Variants in EMILIN3 observed in about 807,000 individuals in gnomAD.
EMILIN3 encodes the protein elastin microfibril interfacer 3.
In EMILIN3, 38 loss-of-function variants were observed where a neutral mutation model predicts 42.8. The ratio of observed to expected loss-of-function variants is 0.89; its 90% CI spans 0.69 to 1.16. The LOEUF (loss-of-function observed/expected upper bound fraction) is 1.16, where lower values mean the gene tolerates loss of function less well. Ranked by LOEUF, EMILIN3 falls within the 50% of genes most tolerant of loss-of-function variation. The probability of loss-of-function intolerance (pLI) is 0.00; values close to 1 mark genes in which losing one functional copy is unlikely to be tolerated. For synonymous variants in EMILIN3, 430 were observed against 440.5 expected, an observed-to-expected ratio of 0.98 and a Z score of 0.30; for missense variants, 924 against 999.5, an observed-to-expected ratio of 0.92 and a Z score of 1.02.
At chr20:41,365,014 G>A in intron 2 of EMILIN3, 21 bp downstream of exon 2, 1 of 1,613,134 alleles carries the variant, frequency 6.2e-7, no homozygotes, top group Non-Finnish European at 8.5e-7. Context: ...TTCCAAGTGT[G>A]TAGGTGAGGA....
In EMILIN3 at chr20:41,365,013, T is replaced by A. The variant is rs369704600; in HGVS notation, c.290+22A>T. 18 of 1,612,860 alleles carry A rather than the reference T, an allele frequency of 1.1e-5. No homozygotes were observed. In the African/African-American group the frequency reaches 2.4e-4, roughly 22 times the overall value. On this transcript the variant is annotated intron_variant, in intron 2 of 3. Transcript: ENST00000332312. ...CGCTTGTGCCAGGGGATTCCAAGTG[T>A]GTAGGTGAGGAGTGCACTTACGTGA...
At chr20:41,363,973 C>T in intron 2 of EMILIN3, 112 bp from the exon 3 acceptor site, 2 of 967,026 alleles carry the variant, frequency 2.1e-6, no homozygotes, top group Non-Finnish European at 3.2e-6. Flanking sequence ...GGTATCTCCC[C>T]ACCTCCATAG....
rs999349926 is a variant in EMILIN3, at chr20:41,361,933, C to T, written c.1636G>A (p.Ala546Thr). 27 of 1,612,696 alleles carry T rather than the reference C, an allele frequency of 1.7e-5. No homozygotes were observed. The highest frequency in any genetic ancestry group is 5.0e-5 in the Admixed American group (3 of 60,000). Residue 546 changes from alanine to threonine, a missense_variant, in exon 4 of 4, where the codon GCC becomes ACC. By Grantham distance (58) the Ala-to-Thr change is moderately conservative. Coordinates refer to ENST00000332312, the MANE Select transcript of EMILIN3 (RefSeq NM_052846.2). The stretch of plus-strand genomic sequence containing the variant: ...TGGCTGGCCACCTGGCGTAGGAGGG[C>T]CTCGCTCCGGCTCTGCCAGGCCTTC... ...EVKAWQSRSE[A>T]LLRQVASHAA...
In EMILIN3 at chr20:41,360,433, C is replaced by T. The variant is rs965998174; in HGVS notation, c.*835G>A. 7.2e-5 allele frequency: 11 copies of T among 152,496 alleles called. No homozygotes were observed. Among genetic ancestry groups the T allele is most frequent in the African/African-American group, 2.4e-4 (10 of 41,428 alleles). The allele number at this position is 152,496 out of a possible 1,614,324, so 9.4% of individuals were successfully genotyped here. The stretch of plus-strand genomic sequence containing the variant: ...TGTGGGCACCAGAGGGCCCTGGAAA[C>T]ATCTTAGGGGAAGGAAAGGAAAAGG... On this transcript the variant is annotated 3_prime_UTR_variant, in exon 4 of 4. Transcript: ENST00000332312.
At position 41,363,096 on chromosome 20, in the gene EMILIN3, C is replaced by T. The variant is rs754641218; in HGVS notation, c.515-42G>A. On this transcript the variant is annotated intron_variant, in intron 3 of 3. Coordinates refer to ENST00000332312, the MANE Select transcript of EMILIN3 (RefSeq NM_052846.2). ...AGCCCCAGGGGCATCACTGGCCTCA[C>T]CCTCTCAGCTTGTCACAATGCCAGG... is the stretch of plus-strand genomic sequence containing the variant. 1.3e-5 allele frequency: 19 copies of T among 1,451,012 alleles called. No individual in the cohort carries two copies. In the Admixed American group the frequency reaches 3.2e-4, roughly 24 times the overall value. The allele number at this position is 1,451,012 out of a possible 1,614,324, so 89.9% of individuals were successfully genotyped here.
In EMILIN3 at chr20:41,366,395, G is replaced by C. The variant is rs1381465673; in HGVS notation, c.167+73C>G. The stretch of plus-strand genomic sequence containing the variant: ...CGGGGCCTCGACGCCCCCCGCGGGT[G>C]CGGGCAGGTGGGAGCGGCGACGCGC... On this transcript the variant is annotated intron_variant, in intron 1 of 3. Transcript: ENST00000332312. This position sits in a 1 kb window ranked among gnomAD's most constrained non-coding sequence, Gnocchi z 4.2. 2.8e-6 allele frequency: 3 copies of C among 1,056,468 alleles called. No individual in the cohort carries two copies. The highest frequency in any genetic ancestry group is 1.2e-4 in the East Asian group (2 of 17,232). 65.4% of individuals were successfully genotyped at this position (1,056,468 alleles called of 1,614,324 possible).
chr20:41,360,890 C>A lies in EMILIN3; in HGVS notation c.*378G>T. 3.7e-6 allele frequency: 1 copy of A among 267,868 alleles called. No homozygotes were observed. The highest frequency in any genetic ancestry group is 8.3e-5 in the South Asian group (1 of 12,068). 16.6% of individuals were successfully genotyped at this position (267,868 alleles called of 1,614,324 possible). ...GGCTGGTGCTGACTGCCTGCAGGGTCCTCTCAAGGCCTTACATACGGACAC... is the reference window on the plus strand; with the variant it reads ...GGCTGGTGCTGACTGCCTGCAGGGTACTCTCAAGGCCTTACATACGGACAC... On this transcript the variant is annotated 3_prime_UTR_variant, in exon 4 of 4. Transcript: ENST00000332312.
Position 41,362,542 on chromosome 20 carries a change from C to T in EMILIN3, c.1027G>A (p.Glu343Lys). 3 of 1,598,964 alleles carry T rather than the reference C, an allele frequency of 1.9e-6. No homozygotes were observed. Among genetic ancestry groups the T allele is most frequent in the Non-Finnish European group, 2.5e-6 (3 of 1,179,218 alleles). The change falls in exon 4 of 4, where the codon GAG becomes AAG. Residue 343 changes from glutamate (E) to lysine (K), a missense_variant. By Grantham distance (56) the Glu-to-Lys change is moderately conservative. Coordinates refer to ENST00000332312, the MANE Select transcript of EMILIN3 (RefSeq NM_052846.2). ...RVQEVRRQCE[E>K]GQAASRRLHQ... ...AGCCTCCGGCTGGCGGCCTGACCCT[C>T]CTCACATTGCCGCCGTACCTCCTGC... is the stretch of plus-strand genomic sequence containing the variant.
chr20:41,362,431 C>T lies in EMILIN3; in HGVS notation c.1138G>A (p.Gly380Ser). ...GSQLQGLSVSGRGSCCGQLAL... is the reference protein window; with the variant it reads ...GSQLQGLSVSSRGSCCGQLAL... ...AGTTGCCCACAGCAGCTGCCCCTGC[C>T]AGACACGCTCAGGCCCTGCAGCTGG... Residue 380 changes from glycine (G) to serine (S), a missense_variant, in exon 4 of 4, where the codon GGC becomes AGC. Transcript: ENST00000332312. 6.2e-7 allele frequency: 1 copy of T among 1,600,708 alleles called. No homozygotes were observed. Among genetic ancestry groups the T allele is most frequent in the South Asian group, 1.1e-5 (1 of 91,070 alleles).
At chr20:41,363,140 GT>G in intron 3 of EMILIN3, 86 bp from the exon 4 acceptor site, 1 of 1,162,362 alleles carries the variant, frequency 8.6e-7, no homozygotes. Context: ...GAGACTTTCT[GT>G]TCTTTTTTTT....
chr20:41,363,627 G>A lies in EMILIN3; in HGVS notation c.514+11C>T. The A allele has an allele frequency of 6.3e-7, 1 of 1,597,610 alleles. No individual in the cohort carries two copies. ...CCAATCACCTTGGAGGGTCTCCTTG[G>A]GCAGACTCACCATGAGGGCTGGGGG... On this transcript the variant is annotated intron_variant, in intron 3 of 3. Transcript: ENST00000332312.
Position 41,366,729 on chromosome 20 carries a change from T to G in EMILIN3, c.-95A>C. ...CGCCCCCGCCGCTGGTCGGCCCGGG[T>G]CCCGCCCCGAGGGTCCCGGGGTCCC... On this transcript the variant is annotated 5_prime_UTR_variant, in exon 1 of 4. Transcript: ENST00000332312. This position sits in a 1 kb window ranked among gnomAD's most constrained non-coding sequence, Gnocchi z 4.2. 1 of 854,320 alleles carries G rather than the reference T, an allele frequency of 1.2e-6. No individual in the cohort carries two copies. The highest frequency in any genetic ancestry group is 1.4e-6 in the Non-Finnish European group (1 of 712,392). 52.9% of individuals were successfully genotyped at this position (854,320 alleles called of 1,614,324 possible).
Position 41,363,784 on chromosome 20 carries a change from C to A in EMILIN3, c.368G>T (p.Gly123Val), listed in dbSNP as rs1051198019. The A allele has an allele frequency of 6.2e-7, 1 of 1,614,064 alleles. No homozygotes were observed. The highest frequency in any genetic ancestry group is 1.3e-5 in the African/African-American group (1 of 74,940). ...VTDLAWRCCP[G>V]FTGKRCPEHL... ...CTCAGGGCAGCGTTTCCCAGTGAAGCCGGGACAGCAACGCCAGGCGAGGTC... is the reference window on the plus strand; with the variant it reads ...CTCAGGGCAGCGTTTCCCAGTGAAGACGGGACAGCAACGCCAGGCGAGGTC... Residue 123 changes from glycine (G) to valine (V), a missense_variant, in exon 3 of 4, where the codon GGC becomes GTC. Physicochemically the swap from Gly to Val is moderately radical, Grantham distance 109. Coordinates refer to ENST00000332312, the MANE Select transcript of EMILIN3 (RefSeq NM_052846.2).
intron 1 of EMILIN3, 97 bp from the exon 2 acceptor site, chr20:41,365,254 C>G: frequency 6.7e-7 from 1 of 1,501,144 alleles, no homozygotes; most frequent in Non-Finnish European, 9.0e-7. Flanking sequence ...AGCAGGACTC[C>G]AAACTCCCAT....
chr20:41,364,271 C>T lies in EMILIN3; in HGVS notation c.291-410G>A, dbSNP rs979471284. Reference sequence around the variant, plus strand: ...GGGAGGGGCACTGCCCTGGAGCTGGCGCTGGCAGCCCCCTCACTGCCCTGG... The same window carrying T: ...GGGAGGGGCACTGCCCTGGAGCTGGTGCTGGCAGCCCCCTCACTGCCCTGG... On this transcript the variant is annotated intron_variant, in intron 2 of 3. Transcript: ENST00000332312. 3.3e-5 allele frequency among the ~76,000 whole-genome samples: 5 copies of T among 152,262 alleles called. No homozygotes were observed. In the East Asian group the frequency reaches 5.8e-4, roughly 18 times the overall value.
At chr20:41,365,198 G>C (rs149931978) in intron 1 of EMILIN3, 41 bp from the exon 2 acceptor site, 21 of 1,606,008 alleles carry the variant, frequency 1.3e-5, no homozygotes, top group Admixed American at 3.4e-5. Context: ...CTGGCTGAGC[G>C]AGGCCCACAG....
At position 41,363,448 on chromosome 20, in the gene EMILIN3, T is replaced by C. The variant is rs1251221046; in HGVS notation, c.514+190A>G. Among the ~76,000 whole-genome samples, 3 of 152,214 alleles carry C rather than the reference T, an allele frequency of 2.0e-5. No homozygotes were observed. In the East Asian group the frequency reaches 5.8e-4, roughly 29 times the overall value. The stretch of plus-strand genomic sequence containing the variant: ...GAGCCACCGCGCCCAGCCCAGACTT[T>C]CTGTTCTAAGCCTACCTTCTCACTG... On this transcript the variant is annotated intron_variant, in intron 3 of 3. Transcript: ENST00000332312.
Position 41,361,128 on chromosome 20 carries a change from TG to T in EMILIN3, c.*139del. On this transcript the variant is annotated 3_prime_UTR_variant, in exon 4 of 4. Coordinates refer to ENST00000332312, the MANE Select transcript of EMILIN3 (RefSeq NM_052846.2). Reference sequence around the variant, plus strand: ...GGTTTTGGTGGCTGGGACAGCCACGTGGAGGATTCCCTCAGTGGCCTCCTTA... The same window carrying T: ...GGTTTTGGTGGCTGGGACAGCCACGTGAGGATTCCCTCAGTGGCCTCCTTA... 3 of 803,302 alleles carry T rather than the reference TG, an allele frequency of 3.7e-6. No homozygotes were observed. Among genetic ancestry groups the T allele is most frequent in the Non-Finnish European group, 3.8e-6 (2 of 524,802 alleles). 49.8% of individuals were successfully genotyped at this position (803,302 alleles called of 1,614,324 possible).
Position 41,366,749 on chromosome 20 carries a change from G to T in EMILIN3, c.-115C>A. 5.8e-6 allele frequency: 4 copies of T among 686,576 alleles called. No homozygotes were observed. The highest frequency in any genetic ancestry group is 7.2e-6 in the Non-Finnish European group (4 of 557,908). The allele number at this position is 686,576 out of a possible 1,614,324, so 42.5% of individuals were successfully genotyped here. ...CCGGGTCCCGCCCCGAGGGTCCCGG[G>T]GTCCCCTTCGGCCCCCGAGCTCGCT... On this transcript the variant is annotated 5_prime_UTR_variant, in exon 1 of 4. Transcript: ENST00000332312. The surrounding 1 kb of genome is among the most constrained non-coding windows in gnomAD (Gnocchi z 4.2).
Sources: gnomAD v4.1 joint callset for allele counts (sites outside exome capture counted in the v4.1 genomes callset) on GRCh38, gnomAD v4.1.1 for gene constraint, Gnocchi (gnomAD v3.1) non-coding constraint, MANE v1.5 for transcripts, NCBI Gene and HGNC (gene_info 2026-07-23, HGNC 2026-07-21) for gene names.